INPP5D: variants seen among roughly 807,000 people sequenced by gnomAD.
The protein encoded by INPP5D is inositol polyphosphate-5-phosphatase D, also known as phosphatidylinositol 3,4,5-trisphosphate 5-phosphatase 1.
Under a neutral mutation model 122.9 loss-of-function variants are expected in INPP5D, and 33 were observed. The observed-to-expected ratio is 0.27, with a 90% CI of 0.20 to 0.36. The LOEUF (loss-of-function observed/expected upper bound fraction) is 0.36, where lower values mean the gene tolerates loss of function less well. Ranked by LOEUF, INPP5D falls within the 10% of genes least tolerant of loss-of-function variation. The probability of loss-of-function intolerance (pLI) is 1.00; values close to 1 mark genes in which losing one functional copy is unlikely to be tolerated. For missense variants in INPP5D, 1,053 were observed against 1,412.7 expected (o/e 0.75, Z 4.08); for synonymous variants, 584 against 576.2 (o/e 1.01, Z -0.19).
chr2:233,146,272 G>A (rs1574763299), intron 7 of INPP5D, 30 bp downstream of exon 7: 1 of 704,244 alleles, frequency 1.4e-6, no homozygotes, highest in Non-Finnish European at 2.6e-6. Context: ...GGCTTCTCTT[G>A]GTCTCCTCTT....
Position 233,170,053 on chromosome 2 carries a change from C to T in INPP5D, c.1680C>T (p.Leu560=), listed in dbSNP as rs779602924. The change falls in exon 15 of 27, where the codon CTC becomes CTT. Residue 560 remains leucine, a synonymous_variant. Coordinates refer to ENST00000445964, the MANE Select transcript of INPP5D (RefSeq NM_001017915.3). The surrounding 1 kb of genome is among the most constrained non-coding windows in gnomAD (Gnocchi z 4.5). The part of the protein sequence containing the change: ...LRRNQNYMNI[L]RFLALGDKKL... ...GAAACCAAAACTATATGAACATTCT[C>T]CGGTTCCTGGCCCTGGGCGACAAGA... The T allele has an allele frequency of 6.2e-7, 1 of 1,614,054 alleles. No homozygotes were observed. The highest frequency in any genetic ancestry group is 8.5e-7 in the Non-Finnish European group (1 of 1,179,902).
At chr2:233,148,041 G>C (rs1209383669) in intron 9 of INPP5D, among the ~76,000 whole-genome samples, 1 of 152,226 alleles carries the variant, frequency 6.6e-6, no homozygotes, top group African/African-American at 2.4e-5. Flanking sequence ...CTTTAGGCTA[G>C]AGCCCAGCAT....
chr2:233,195,381 C>T lies in INPP5D; in HGVS notation c.2597-18C>T. The T allele has an allele frequency of 6.2e-7, 1 of 1,613,752 alleles. No individual in the cohort carries two copies. The highest frequency in any genetic ancestry group is 8.5e-7 in the Non-Finnish European group (1 of 1,179,770). ...AAGCTGGGCCCTCACATGCTCTTTC[C>T]CGTCCCTTTCCTTCCAGACTTTGTG... On this transcript the variant is annotated intron_variant, in intron 23 of 26. Transcript: ENST00000445964.
intron 25 of INPP5D, among the ~76,000 whole-genome samples, chr2:233,202,335 A>G (rs1033216673): frequency 6.6e-6 from 1 of 152,158 alleles, no homozygotes; most frequent in African/African-American, 2.4e-5. Flanking sequence ...CTGAACATGG[A>G]GGGGGCCCTT....
At chr2:233,077,754 A>G (rs561475830) in intron 1 of INPP5D, among the ~76,000 whole-genome samples, 2 of 150,094 alleles carry the variant, frequency 1.3e-5, no homozygotes, top group South Asian at 4.2e-4. Flanking sequence ...CAGTTACTTG[A>G]GAGGCTGAGG....
At chr2:233,060,640 C>A in intron 1 of INPP5D, 28 bp downstream of exon 1, 3 of 1,612,556 alleles carry the variant, frequency 1.9e-6, no homozygotes, top group Non-Finnish European at 2.5e-6. Flanking sequence ...CCTCCCCGGG[C>A]ACAGATATGA....
intron 25 of INPP5D, among the ~76,000 whole-genome samples, chr2:233,202,472 C>T (rs1297968813): frequency 6.6e-6 from 1 of 152,232 alleles, no homozygotes; most frequent in Non-Finnish European, 1.5e-5. Context: ...CGGAGGCCAG[C>T]CTCCCTGGAG....
chr2:233,087,540 T>A (rs1034894811), intron 2 of INPP5D, among the ~76,000 whole-genome samples: 1 of 152,148 alleles, frequency 6.6e-6, no homozygotes, highest in Non-Finnish European at 1.5e-5. Flanking sequence ...TTGCCCAGGA[T>A]GGTCTCGACC....
At chr2:233,161,217 G>A (rs368198354) in intron 10 of INPP5D, among the ~76,000 whole-genome samples, 5 of 151,836 alleles carry the variant, frequency 3.3e-5, no homozygotes, top group South Asian at 4.2e-4. Context: ...TCAGCCTCCC[G>A]AGTAGCTGGC....
chr2:233,113,348 T>A (rs1692684335), intron 2 of INPP5D, among the ~76,000 whole-genome samples: 1 of 151,914 alleles, frequency 6.6e-6, no homozygotes, highest in Admixed American at 6.6e-5. Context: ...CCCTGGACAC[T>A]TCAAAGGAAG....
At chr2:233,181,198 T>C (rs1216825068) in intron 18 of INPP5D, among the ~76,000 whole-genome samples, 3 of 151,716 alleles carry the variant, frequency 2.0e-5, no homozygotes, top group Non-Finnish European at 4.4e-5. Flanking sequence ...CCTTAGTAAG[T>C]GAGCTTTTTT....
At chr2:233,131,108 G>A (rs2106264802) in intron 5 of INPP5D, 4 of 941,866 alleles carry the variant, frequency 4.2e-6, no homozygotes, top group African/African-American at 3.5e-5. Flanking sequence ...TTTTCAAAGG[G>A]AGATGATTCA....
Position 233,204,722 on chromosome 2 carries a change from G to C in INPP5D, c.3567+5G>C. 1 of 1,499,946 alleles carries C rather than the reference G, an allele frequency of 6.7e-7. No homozygotes were observed. Among genetic ancestry groups the C allele is most frequent in the Non-Finnish European group, 8.9e-7 (1 of 1,127,542 alleles). The allele number at this position is 1,499,946 out of a possible 1,614,324, so 92.9% of individuals were successfully genotyped here. A position where few individuals can be genotyped will look rare whatever the true frequency, so the allele number is the denominator to read the frequency against. On this transcript the variant is annotated splice_donor_5th_base_variant and intron_variant, in intron 26 of 26. Transcript: ENST00000445964. ...CTAGGCAGGACTGCCATGCAGGTGC[G>C]CTGCGCCACACGTGGGTTCGTGTGC...
At chr2:233,194,167 A>T (rs1417106152) in intron 23 of INPP5D, among the ~76,000 whole-genome samples, 3 of 151,970 alleles carry the variant, frequency 2.0e-5, no homozygotes, top group African/African-American at 7.3e-5. Flanking sequence ...GCACCCCCAG[A>T]TCACCCTCCC....
At chr2:233,173,014 G>A (rs995879951) in intron 17 of INPP5D, among the ~76,000 whole-genome samples, 1 of 152,194 alleles carries the variant, frequency 6.6e-6, no homozygotes, top group Non-Finnish European at 1.5e-5. Flanking sequence ...TTCAAGGCCA[G>A]CCTGGCCAAC....
intron 22 of INPP5D, among the ~76,000 whole-genome samples, chr2:233,192,636 A>G (rs1695083825): frequency 6.6e-6 from 1 of 152,226 alleles, no homozygotes; most frequent in African/African-American, 2.4e-5. Flanking sequence ...CCTCACTTTA[A>G]AAGTACTATT....
chr2:233,166,722 C>T (rs995931265), intron 13 of INPP5D, among the ~76,000 whole-genome samples: 2 of 152,208 alleles, frequency 1.3e-5, no homozygotes, highest in African/African-American at 2.4e-5. Flanking sequence ...GGTAGGCTCA[C>T]GCCTGTAATC....
intron 3 of INPP5D, 119 bp from the exon 4 acceptor site, chr2:233,125,626 G>A (rs1052904903): frequency 4.5e-5 from 39 of 873,534 alleles, no homozygotes; most frequent in African/African-American, 4.3e-4. Context: ...CGAGGGACAC[G>A]GGGACGCAGA....
chr2:233,193,231 A>G (rs1410463215), intron 22 of INPP5D, among the ~76,000 whole-genome samples: 2 of 152,328 alleles, frequency 1.3e-5, no homozygotes, highest in East Asian at 3.9e-4. Context: ...TGCTAACTTC[A>G]TGTCTGTGAA....
Sources: gnomAD v4.1 joint callset for allele counts (sites outside exome capture counted in the v4.1 genomes callset) on GRCh38, gnomAD v4.1.1 for gene constraint, Gnocchi (gnomAD v3.1) non-coding constraint, MANE v1.5 for transcripts, NCBI Gene and HGNC (gene_info 2026-07-23, HGNC 2026-07-21) for gene names.